The following PALS2 variants were observed in gnomAD, a reference collection of about 807,000 sequenced individuals.
PALS2 encodes the protein protein PALS2.
Under a neutral mutation model 61.6 loss-of-function variants are expected in PALS2, and 27 were observed. That is an observed-to-expected ratio of 0.44 (90% CI 0.32 to 0.60). PALS2 has a LOEUF of 0.60. Among genes scored for constraint, PALS2 ranks in the 20% least tolerant of loss-of-function variants. The pLI is 0.05. For missense variants in PALS2, 554 were observed against 639.4 expected, an observed-to-expected ratio of 0.87 and a Z score of 1.44; for synonymous variants, 236 against 218.6, an observed-to-expected ratio of 1.08 and a Z score of -0.70.
chr7:24,652,192 T>C (rs894709997), intron 5 of PALS2, among the ~76,000 whole-genome samples: 15 of 152,164 alleles, frequency 9.9e-5, no homozygotes, highest in African/African-American at 2.4e-5. Context: ...TTTATTATTA[T>C]GTGTTAGTTG....
At chr7:24,593,655 C>T (rs1783386010) in intron 1 of PALS2, among the ~76,000 whole-genome samples, 1 of 152,078 alleles carries the variant, frequency 6.6e-6, no homozygotes, top group African/African-American at 2.4e-5. Context: ...TCTTGGGTGA[C>T]AAGGTGAGTT....
chr7:24,624,687 ACCTC>A (rs2128058308), intron 2 of PALS2, among the ~76,000 whole-genome samples: 1 of 144,690 alleles, frequency 6.9e-6, no homozygotes, highest in African/African-American at 2.7e-5. Context: ...GCTCACTGCA[ACCTC>A]TGCCTGCTGG....
intron 1 of PALS2, among the ~76,000 whole-genome samples, chr7:24,587,954 C>CT (rs1431991564): frequency 6.6e-6 from 1 of 152,168 alleles, no homozygotes; most frequent in Non-Finnish European, 1.5e-5. Flanking sequence ...CAGTGATTCT[C>CT]TAAGGGTGCA....
At chr7:24,608,904 T>C (rs1242621559) in intron 1 of PALS2, among the ~76,000 whole-genome samples, 1 of 152,208 alleles carries the variant, frequency 6.6e-6, no homozygotes, top group East Asian at 1.9e-4. Flanking sequence ...TGAGGCAGCA[T>C]GGCCAACCTT....
In PALS2 at chr7:24,692,217, T is replaced by C. The variant is rs1026730064; in HGVS notation, c.*4603T>C. ...TGATATCTCATTTCTAAAGTAAGCA[T>C]GGTTCACACCACTTTGGCAATACAC... is the stretch of plus-strand genomic sequence containing the variant. On this transcript the variant is annotated 3_prime_UTR_variant, in exon 12 of 12. Transcript: ENST00000222644. 1.3e-5 allele frequency: 2 copies of C among 152,196 alleles called. No individual in the cohort carries two copies. Among genetic ancestry groups the C allele is most frequent in the African/African-American group, 2.4e-5 (1 of 41,470 alleles). The allele number at this position is 152,196 out of a possible 1,614,324, so 9.4% of individuals were successfully genotyped here.
chr7:24,615,157 G>A (rs1340295914), intron 1 of PALS2, among the ~76,000 whole-genome samples: 1 of 151,896 alleles, frequency 6.6e-6, no homozygotes, highest in Non-Finnish European at 1.5e-5. Context: ...TAAGATACTA[G>A]TTTATAGCAG....
intron 9 of PALS2, among the ~76,000 whole-genome samples, chr7:24,672,197 T>C (rs1444526530): frequency 1.6e-5 from 1 of 61,588 alleles, no homozygotes; most frequent in East Asian, 1.2e-3. Flanking sequence ...TACTGCCATC[T>C]GTTTTGTTTT....
rs552985476 is a variant in PALS2, at chr7:24,663,099, A to G, written c.652-491A>G. ...ATCAGAGCAAGATGATTAAAAAAGTATTTAAGGCTACCAAATATATTTCAT... is the reference window on the plus strand; with the variant it reads ...ATCAGAGCAAGATGATTAAAAAAGTGTTTAAGGCTACCAAATATATTTCAT... On this transcript the variant is annotated intron_variant, in intron 5 of 11. Coordinates refer to ENST00000222644, the MANE Select transcript of PALS2 (RefSeq NM_001303037.2). Among the ~76,000 whole-genome samples the G allele has an allele frequency of 1.2e-4, 18 of 152,274 alleles. No homozygotes were observed. The East Asian group carries it at 3.5e-3, about 29-fold the overall frequency.
intron 3 of PALS2, among the ~76,000 whole-genome samples, chr7:24,645,632 AT>A (rs201287515): frequency 6.6e-6 from 1 of 151,956 alleles, no homozygotes; most frequent in East Asian, 1.9e-4. Context: ...ATTTTAAAAT[AT>A]TTTTTTCTAG....
chr7:24,690,377 GA>G lies in PALS2; in HGVS notation c.*2767del, dbSNP rs1788412556. The G allele has an allele frequency of 6.6e-6, 1 of 152,170 alleles. No homozygotes were observed. The highest frequency in any genetic ancestry group is 6.5e-5 in the Admixed American group (1 of 15,268). The allele number at this position is 152,170 out of a possible 1,614,324, so 9.4% of individuals were successfully genotyped here. On this transcript the variant is annotated 3_prime_UTR_variant, in exon 12 of 12. Transcript: ENST00000222644. ...CTGCGATAATTAGCTTTATGGAAGC[GA>G]AAATGGTTTAGAGTGGTGTTGAGCA... is the stretch of plus-strand genomic sequence containing the variant.
At chr7:24,675,113 G>C (rs1445941466) in intron 9 of PALS2, among the ~76,000 whole-genome samples, 1 of 152,010 alleles carries the variant, frequency 6.6e-6, no homozygotes, top group African/African-American at 2.4e-5. Flanking sequence ...GTAGAGAATA[G>C]GATTGTAGTT....
intron 9 of PALS2, among the ~76,000 whole-genome samples, chr7:24,669,120 G>T (rs1005351665): frequency 1.3e-5 from 2 of 152,186 alleles, no homozygotes; most frequent in Non-Finnish European, 2.9e-5. Context: ...TCATAAACCT[G>T]ATTTTTGATA....
Position 24,616,347 on chromosome 7 carries a change from G to A in PALS2, c.-2-7319G>A, listed in dbSNP as rs529352944. Among the ~76,000 whole-genome samples, 4 of 152,162 alleles carry A rather than the reference G, an allele frequency of 2.6e-5. No individual in the cohort carries two copies. In the South Asian group the frequency reaches 8.3e-4, roughly 32 times the overall value. On this transcript the variant is annotated intron_variant, in intron 1 of 11. Coordinates refer to ENST00000222644, the MANE Select transcript of PALS2 (RefSeq NM_001303037.2). ...TCTTAGAAATGGTAAATTCAGTAAG[G>A]TTTCAGAATACAAAATAAATACACA... is the stretch of plus-strand genomic sequence containing the variant.
intron 2 of PALS2, among the ~76,000 whole-genome samples, chr7:24,635,743 C>T (rs534257798): frequency 6.6e-6 from 1 of 152,094 alleles, no homozygotes; most frequent in Non-Finnish European, 1.5e-5. Flanking sequence ...TGTGTCACAA[C>T]TTTATTCTTT....
At chr7:24,603,112 A>G (rs576090235) in intron 1 of PALS2, among the ~76,000 whole-genome samples, 1 of 152,324 alleles carries the variant, frequency 6.6e-6, no homozygotes, top group East Asian at 1.9e-4. Context: ...TCTGTAAACC[A>G]GGAAGTGAGC....
At chr7:24,646,064 G>T (rs1226249020) in intron 3 of PALS2, among the ~76,000 whole-genome samples, 1 of 152,102 alleles carries the variant, frequency 6.6e-6, no homozygotes, top group African/African-American at 2.4e-5. Flanking sequence ...TGAGACTATG[G>T]GGTTTTCTAT....
At chr7:24,643,540 A>G (rs751993014) in intron 3 of PALS2, among the ~76,000 whole-genome samples, 5 of 152,090 alleles carry the variant, frequency 3.3e-5, no homozygotes, top group Non-Finnish European at 7.4e-5. Flanking sequence ...GTGAACTTCC[A>G]TCTCATATAA....
chr7:24,660,069 A>AC (rs1786635211), intron 5 of PALS2, among the ~76,000 whole-genome samples: 2 of 152,154 alleles, frequency 1.3e-5, no homozygotes, highest in South Asian at 4.1e-4. Context: ...TTTTAGGATC[A>AC]CTATCTTCAT....
intron 1 of PALS2, among the ~76,000 whole-genome samples, chr7:24,611,741 A>G (rs952176474): frequency 6.6e-6 from 1 of 152,016 alleles, no homozygotes; most frequent in Non-Finnish European, 1.5e-5. Flanking sequence ...TGAATTAGGT[A>G]TGCAAAGATG....
Sources: gnomAD v4.1 joint callset for allele counts (sites outside exome capture counted in the v4.1 genomes callset) on GRCh38, gnomAD v4.1.1 for gene constraint, MANE v1.5 for transcripts, NCBI Gene and HGNC (gene_info 2026-07-23, HGNC 2026-07-21) for gene names.